The following ZHX2 variants were observed in gnomAD, a reference collection of about 807,000 sequenced individuals.
ZHX2 encodes zinc fingers and homeoboxes protein 2.
A neutral mutation model predicts 21.9 loss-of-function variants in ZHX2; 6 were observed. The observed-to-expected ratio is 0.27, with a 90% CI of 0.15 to 0.54. ZHX2 has a LOEUF of 0.54. Among genes scored for constraint, ZHX2 ranks in the 20% least tolerant of loss-of-function variants. The probability of loss-of-function intolerance (pLI) is 0.95; values close to 1 mark genes in which losing one functional copy is unlikely to be tolerated. For synonymous variants in ZHX2, 434 were observed against 437.1 expected (o/e 0.99, Z 0.09); for missense variants, 908 against 1,090.7 (o/e 0.83, Z 2.36).
intron 2 of ZHX2, among the ~76,000 whole-genome samples, chr8:122,924,090 C>G (rs1820798287): frequency 6.6e-6 from 1 of 152,192 alleles, no homozygotes; most frequent in Non-Finnish European, 1.5e-5. Flanking sequence ...CGTGGTGTAT[C>G]AGTTTCCTAG....
chr8:122,822,819 C>T (rs1038503713), intron 1 of ZHX2, among the ~76,000 whole-genome samples: 1 of 152,110 alleles, frequency 6.6e-6, no homozygotes, highest in Non-Finnish European at 1.5e-5. Context: ...CGGAGCCCGG[C>T]GGATGGTGAG....
chr8:122,926,905 G>C (rs985856330), intron 2 of ZHX2, among the ~76,000 whole-genome samples: 1 of 152,062 alleles, frequency 6.6e-6, no homozygotes, highest in African/African-American at 2.4e-5. Context: ...ACTGAGGATG[G>C]CGTTTAGGGC....
chr8:122,938,831 C>T (rs140948455), intron 2 of ZHX2, among the ~76,000 whole-genome samples: 21 of 151,606 alleles, frequency 1.4e-4, no homozygotes, highest in African/African-American at 4.6e-4. Context: ...GAGCAAGACT[C>T]TGTCAAAAAA....
At chr8:122,789,198 A>T (rs993792146) in intron 1 of ZHX2, among the ~76,000 whole-genome samples, 2 of 152,210 alleles carry the variant, frequency 1.3e-5, no homozygotes, top group African/African-American at 4.8e-5. Flanking sequence ...ACAATAAAAG[A>T]GGATCATTGT....
At chr8:122,967,552 G>A (rs1813613608) in intron 3 of ZHX2, among the ~76,000 whole-genome samples, 1 of 152,200 alleles carries the variant, frequency 6.6e-6, no homozygotes, top group African/African-American at 2.4e-5. Context: ...AGTGGAGGTG[G>A]CATGGGAGTG....
chr8:122,792,970 G>C (rs1817548137), intron 1 of ZHX2, among the ~76,000 whole-genome samples: 1 of 152,166 alleles, frequency 6.6e-6, no homozygotes, highest in Admixed American at 6.5e-5. Flanking sequence ...TTGTGGGGGT[G>C]AACACAGAGA....
In ZHX2 at chr8:122,823,661, CT is replaced by C. The variant is rs542252911; in HGVS notation, c.-282-39815del. ...TTCTCAGAAGCAGTCCTGCAAGATGCTCTGTGACAAAGAGGTTCCCTTGTCA... is the reference window on the plus strand; with the variant it reads ...TTCTCAGAAGCAGTCCTGCAAGATGCCTGTGACAAAGAGGTTCCCTTGTCA... On this transcript the variant is annotated intron_variant, in intron 1 of 3. Coordinates refer to ENST00000314393, the MANE Select transcript of ZHX2 (RefSeq NM_014943.5). Among the ~76,000 whole-genome samples, 351 of 152,322 alleles carry C rather than the reference CT, an allele frequency of 2.3e-3. 3 individuals carry two copies. Among genetic ancestry groups the C allele is most frequent in the Non-Finnish European group, 2.5e-3 (168 of 68,030 alleles).
intron 1 of ZHX2, among the ~76,000 whole-genome samples, chr8:122,784,879 C>T (rs1173959557): frequency 6.6e-6 from 1 of 152,216 alleles, no homozygotes; most frequent in African/African-American, 2.4e-5. Context: ...ACACACTCTG[C>T]TGTTGCAATG....
chr8:122,788,328 C>G (rs1344227209), intron 1 of ZHX2, among the ~76,000 whole-genome samples: 1 of 152,158 alleles, frequency 6.6e-6, no homozygotes, highest in African/African-American at 2.4e-5. Flanking sequence ...GAGGCCGAGG[C>G]AGGTGGATCG....
chr8:122,943,200 T>G (rs907406262), intron 2 of ZHX2, among the ~76,000 whole-genome samples: 1 of 151,906 alleles, frequency 6.6e-6, no homozygotes, highest in African/African-American at 2.4e-5. Context: ...GTGTGGAGGT[T>G]GCGGTGAGCC....
chr8:122,789,308 T>C (rs1232480877), intron 1 of ZHX2, among the ~76,000 whole-genome samples: 1 of 152,194 alleles, frequency 6.6e-6, no homozygotes, highest in Non-Finnish European at 1.5e-5. Context: ...TCAGCTGATA[T>C]TACGTTCCCG....
intron 1 of ZHX2, among the ~76,000 whole-genome samples, chr8:122,785,774 C>A (rs1817382750): frequency 6.6e-6 from 1 of 152,040 alleles, no homozygotes; most frequent in Non-Finnish European, 1.5e-5. Context: ...GGACAGGTAC[C>A]CTGGGGAGGT....
intron 2 of ZHX2, among the ~76,000 whole-genome samples, chr8:122,920,206 G>A (rs1040984279): frequency 1.3e-5 from 2 of 152,078 alleles, no homozygotes; most frequent in Non-Finnish European, 2.9e-5. Context: ...CCTGGGAGGC[G>A]GAGGTTGCAG....
chr8:122,846,326 T>A (rs1377274539), intron 1 of ZHX2, among the ~76,000 whole-genome samples: 1 of 152,228 alleles, frequency 6.6e-6, no homozygotes, highest in African/African-American at 2.4e-5. Context: ...CGTCCTTCTC[T>A]GGCGGAGAGC....
chr8:122,868,951 C>T (rs4870821), intron 2 of ZHX2, among the ~76,000 whole-genome samples: 80,640 of 152,084 alleles, frequency 0.53, 23,036 homozygotes, highest in African/African-American at 0.76. Context: ...TCACAGAAGC[C>T]GAGACTCATT....
Position 122,953,343 on chromosome 8 carries a change from G to T in ZHX2, c.1833G>T (p.Leu611=). The change falls in exon 3 of 4, where the codon CTG becomes CTT. Residue 611 remains leucine (L), a synonymous_variant. Transcript: ENST00000314393. The surrounding 1 kb of genome is among the most constrained non-coding windows in gnomAD (Gnocchi z 4.6). ...GQDVGAPNGA[L]SRLDQLSGAQ... is the part of the protein sequence containing the mutation. Reference sequence around the variant, plus strand: ...ATGTGGGAGCCCCCAATGGTGCTCTGTCTCGACTCGACCAGCTCTCCGGTG... The same window carrying T: ...ATGTGGGAGCCCCCAATGGTGCTCTTTCTCGACTCGACCAGCTCTCCGGTG... The T allele has an allele frequency of 6.2e-7, 1 of 1,614,072 alleles. No homozygotes were observed. The highest frequency in any genetic ancestry group is 1.3e-5 in the African/African-American group (1 of 75,026).
intron 1 of ZHX2, chr8:122,807,717 C>T (rs1180626915): frequency 6.6e-6 from 1 of 152,186 alleles, no homozygotes; most frequent in Non-Finnish European, 1.5e-5. Flanking sequence ...CTTTTATGTG[C>T]CAGGCCTTCT....
intron 1 of ZHX2, among the ~76,000 whole-genome samples, chr8:122,835,488 G>A (rs1818473398): frequency 6.6e-6 from 1 of 152,186 alleles, no homozygotes; most frequent in African/African-American, 2.4e-5. Flanking sequence ...TACTAGAATT[G>A]TCCTGAGTAG....
chr8:122,883,329 A>T (rs1819759974), intron 2 of ZHX2, among the ~76,000 whole-genome samples: 1 of 152,140 alleles, frequency 6.6e-6, no homozygotes, highest in Non-Finnish European at 1.5e-5. Flanking sequence ...GATGGGATGG[A>T]GGAGATGGAG....
Sources: gnomAD v4.1 joint callset for allele counts (sites outside exome capture counted in the v4.1 genomes callset) on GRCh38, gnomAD v4.1.1 for gene constraint, Gnocchi (gnomAD v3.1) non-coding constraint, MANE v1.5 for transcripts, NCBI Gene and HGNC (gene_info 2026-07-23, HGNC 2026-07-21) for gene names.